The following AGBL4 variants were observed in gnomAD, a reference collection of about 807,000 sequenced individuals.
AGBL4 encodes the protein cytosolic carboxypeptidase 6.
Under a neutral mutation model 66.4 loss-of-function variants are expected in AGBL4, and 58 were observed. The observed-to-expected ratio is 0.87, with a 90% confidence interval of 0.71 to 1.09. The LOEUF (loss-of-function observed/expected upper bound fraction) is 1.09. Among genes scored for constraint, AGBL4 ranks in the 50% least tolerant of loss-of-function variants. The pLI is 0.00. For synonymous variants in AGBL4, 234 were observed against 222.9 expected, an observed-to-expected ratio of 1.05 and a Z score of -0.44; for missense variants, 579 against 631.0, an observed-to-expected ratio of 0.92 and a Z score of 0.88.
intron 6 of AGBL4, among the ~76,000 whole-genome samples, chr1:48,764,134 G>A (rs747117607): frequency 1.3e-5 from 2 of 152,208 alleles, no homozygotes; most frequent in Admixed American, 6.5e-5. Flanking sequence ...TGCTGAATTT[G>A]AATAAGGGAG....
chr1:49,029,214 C>T (rs148483707), intron 5 of AGBL4, among the ~76,000 whole-genome samples: 118 of 151,992 alleles, frequency 7.8e-4, no homozygotes, highest in African/African-American at 2.8e-3. Flanking sequence ...TCCATAATGG[C>T]CCAGGTAATT....
intron 3 of AGBL4, among the ~76,000 whole-genome samples, chr1:49,522,276 T>C (rs962213120): frequency 6.6e-6 from 1 of 152,110 alleles, no homozygotes; most frequent in East Asian, 1.9e-4. Context: ...CTTAGTTTTC[T>C]TATGAGTAGG....
chr1:49,466,457 G>A (rs183973719), intron 3 of AGBL4, among the ~76,000 whole-genome samples: 2 of 151,646 alleles, frequency 1.3e-5, no homozygotes, highest in Admixed American at 1.3e-4. Context: ...AGGGAAAATC[G>A]ACAGAGGCAA....
At chr1:49,959,029 T>C (rs1195897113) in intron 1 of AGBL4, among the ~76,000 whole-genome samples, 1 of 145,830 alleles carries the variant, frequency 6.9e-6, no homozygotes, top group South Asian at 2.1e-4. Flanking sequence ...AAAAAAAAAA[T>C]AGAATCAAAA....
intron 3 of AGBL4, among the ~76,000 whole-genome samples, chr1:49,663,278 G>T (rs1325863704): frequency 6.6e-6 from 1 of 152,102 alleles, no homozygotes; most frequent in Non-Finnish European, 1.5e-5. Context: ...CACAGCTAGG[G>T]CTAAATTTCC....
At chr1:49,626,572 A>G (rs1645467466) in intron 3 of AGBL4, among the ~76,000 whole-genome samples, 1 of 152,086 alleles carries the variant, frequency 6.6e-6, no homozygotes, top group Admixed American at 6.6e-5. Flanking sequence ...CCTTGTGCCT[A>G]CTCCATTCAT....
At chr1:48,797,071 C>A (rs1254049942) in intron 6 of AGBL4, among the ~76,000 whole-genome samples, 1 of 152,194 alleles carries the variant, frequency 6.6e-6, no homozygotes, top group Non-Finnish European at 1.5e-5. Flanking sequence ...AGGCAATATG[C>A]ACCCTTACGT....
At chr1:49,763,008 T>G (rs1053943792) in intron 2 of AGBL4, among the ~76,000 whole-genome samples, 6 of 152,318 alleles carry the variant, frequency 3.9e-5, no homozygotes, top group Non-Finnish European at 7.3e-5. Flanking sequence ...TTTCATATTA[T>G]AGTTTCAAGT....
chr1:49,255,751 G>T (rs1570234562), intron 3 of AGBL4, among the ~76,000 whole-genome samples: 2 of 151,982 alleles, frequency 1.3e-5, no homozygotes, highest in Non-Finnish European at 2.9e-5. Context: ...GCAGAGACAT[G>T]GAATCAAACT....
intron 2 of AGBL4, among the ~76,000 whole-genome samples, chr1:49,716,371 G>C (rs1648137863): frequency 6.6e-6 from 1 of 152,118 alleles, no homozygotes; most frequent in Non-Finnish European, 1.5e-5. Flanking sequence ...AGTATAGTTT[G>C]AAGTCAGGTA....
chr1:49,289,016 A>G (rs755890025), intron 3 of AGBL4, among the ~76,000 whole-genome samples: 2 of 150,066 alleles, frequency 1.3e-5, no homozygotes, highest in Non-Finnish European at 3.0e-5. Context: ...ACACACACAC[A>G]GAGAGAGAGA....
Position 49,204,437 on chromosome 1 carries a change from G to A in AGBL4, c.377+41333C>T, listed in dbSNP as rs939056631. 5.9e-5 allele frequency among the ~76,000 whole-genome samples: 9 copies of A among 151,392 alleles called. No homozygotes were observed. In the South Asian group the frequency reaches 1.9e-3, roughly 32 times the overall value. The stretch of plus-strand genomic sequence containing the variant: ...ACACATGCAGCACTACACCTGGCTA[G>A]TTAAGAAAAAAAAAAATTGTTTTGT... On this transcript the variant is annotated intron_variant, in intron 4 of 13. Coordinates refer to ENST00000371839, the MANE Select transcript of AGBL4 (RefSeq NM_032785.4).
At chr1:48,922,643 T>C (rs1010062061) in intron 5 of AGBL4, among the ~76,000 whole-genome samples, 5 of 152,216 alleles carry the variant, frequency 3.3e-5, no homozygotes, top group African/African-American at 1.2e-4. Flanking sequence ...ATTGTTATTC[T>C]TAATTTAGGA....
At chr1:49,632,274 T>C (rs1645584851) in intron 3 of AGBL4, among the ~76,000 whole-genome samples, 1 of 152,228 alleles carries the variant, frequency 6.6e-6, no homozygotes. Flanking sequence ...TTCCTTGCTA[T>C]GTTAACCCAA....
intron 9 of AGBL4, among the ~76,000 whole-genome samples, chr1:48,627,469 G>A (rs1035256387): frequency 1.3e-5 from 2 of 149,086 alleles, no homozygotes; most frequent in Non-Finnish European, 3.0e-5. Flanking sequence ...GGTTCTGTGT[G>A]TGTTATTTGA....
chr1:48,892,932 C>T (rs1430139234), intron 5 of AGBL4, among the ~76,000 whole-genome samples: 1 of 152,102 alleles, frequency 6.6e-6, no homozygotes, highest in Non-Finnish European at 1.5e-5. Flanking sequence ...ACCAGGGGTT[C>T]AGACTTTAAT....
intron 2 of AGBL4, among the ~76,000 whole-genome samples, chr1:49,844,272 A>G (rs1422527547): frequency 1.3e-5 from 2 of 152,140 alleles, no homozygotes; most frequent in Admixed American, 6.5e-5. Flanking sequence ...GCCACCTGGC[A>G]TCATGGAGGC....
intron 3 of AGBL4, among the ~76,000 whole-genome samples, chr1:49,544,245 C>G (rs1211262627): frequency 6.6e-6 from 1 of 152,198 alleles, no homozygotes; most frequent in Admixed American, 6.5e-5. Context: ...CTGCTAGCAA[C>G]TGAACCCACC....
chr1:48,620,404 G>GT (rs779664472), intron 9 of AGBL4, among the ~76,000 whole-genome samples: 30 of 152,040 alleles, frequency 2.0e-4, no homozygotes, highest in Non-Finnish European at 3.4e-4. Flanking sequence ...AGCCTCCCTA[G>GT]TATCTAGGAC....
Sources: allele counts gnomAD v4.1 joint callset (sites outside exome capture counted in the v4.1 genomes callset), GRCh38; gene constraint gnomAD v4.1.1; transcripts MANE v1.5; gene names NCBI Gene and HGNC (gene_info 2026-07-23, HGNC 2026-07-21).